Variants in MAGI1 observed in about 807,000 individuals in gnomAD.
MAGI1 encodes the protein membrane associated guanylate kinase, WW and PDZ domain containing 1.
In MAGI1, 58 loss-of-function variants were observed where a neutral mutation model predicts 139.9. That is an observed-to-expected ratio of 0.41 (90% CI 0.34 to 0.52). The LOEUF (loss-of-function observed/expected upper bound fraction) is 0.52. Among genes scored for constraint, MAGI1 ranks in the 20% least tolerant of loss-of-function variants. MAGI1 has a pLI of 0.12. For missense variants in MAGI1, 1,874 were observed against 1,901.6 expected (o/e 0.99, Z 0.27); for synonymous variants, 812 against 737.9 (o/e 1.10, Z -1.63).
At chr3:65,653,192 A>G (rs949826289) in intron 1 of MAGI1, among the ~76,000 whole-genome samples, 17 of 152,096 alleles carry the variant, frequency 1.1e-4, no homozygotes, top group African/African-American at 3.6e-4. Context: ...TCCATCTTCC[A>G]TATCTTTCAC....
At chr3:65,612,349 T>G (rs1026977961) in intron 2 of MAGI1, among the ~76,000 whole-genome samples, 4 of 152,068 alleles carry the variant, frequency 2.6e-5, no homozygotes, top group African/African-American at 7.2e-5. Flanking sequence ...GTCCTCTCTC[T>G]CCCTCCTCCC....
chr3:65,371,198 T>C (rs1230718805), intron 18 of MAGI1, among the ~76,000 whole-genome samples: 3 of 152,190 alleles, frequency 2.0e-5, no homozygotes, highest in African/African-American at 7.2e-5. Flanking sequence ...CCATGACATG[T>C]TGATAAACGT....
intron 1 of MAGI1, among the ~76,000 whole-genome samples, chr3:65,993,950 G>C (rs28648683): frequency 0.011 from 1,721 of 152,126 alleles, 31 homozygotes; most frequent in African/African-American, 0.039. Flanking sequence ...CTAAATAAGA[G>C]AGGACAACCC....
intron 3 of MAGI1, among the ~76,000 whole-genome samples, chr3:65,485,789 G>A (rs1951588180): frequency 6.6e-6 from 1 of 152,132 alleles, no homozygotes; most frequent in African/African-American, 2.4e-5. Flanking sequence ...TAAAGAAACT[G>A]ATATTTACAC....
At chr3:65,442,178 TA>T (rs1472005040) in intron 8 of MAGI1, among the ~76,000 whole-genome samples, 30 of 152,074 alleles carry the variant, frequency 2.0e-4, no homozygotes, top group Middle Eastern at 3.4e-3. Flanking sequence ...AGCCCAATGC[TA>T]GAATAAGGCA....
intron 1 of MAGI1, among the ~76,000 whole-genome samples, chr3:66,001,068 G>A (rs1292739188): frequency 6.6e-6 from 1 of 152,146 alleles, no homozygotes; most frequent in African/African-American, 2.4e-5. Context: ...ATCAAATAGG[G>A]GAGACAGAAA....
rs143074125 is a variant in MAGI1 at position 65,383,342 on chromosome 3, A to G, written c.2508+190T>C. Among the ~76,000 whole-genome samples the G allele has an allele frequency of 2.2e-4, 33 of 152,348 alleles. 1 individual carries two copies. Among genetic ancestry groups the G allele is most frequent in the African/African-American group, 7.7e-4 (32 of 41,588 alleles). ...AAACACTCATACAAACTTTTTAGAA[A>G]GAATCTAGTCTCTTCTTCCTCAAGA... On this transcript the variant is annotated intron_variant, in intron 15 of 22. Transcript: ENST00000402939.
chr3:65,926,941 G>A (rs555870373), intron 1 of MAGI1, among the ~76,000 whole-genome samples: 1 of 152,300 alleles, frequency 6.6e-6, no homozygotes, highest in South Asian at 2.1e-4. Context: ...TTTGCAGTGA[G>A]CCGAGATTGC....
chr3:65,754,908 A>T (rs768977944), intron 1 of MAGI1, among the ~76,000 whole-genome samples: 4 of 152,136 alleles, frequency 2.6e-5, no homozygotes, highest in Non-Finnish European at 4.4e-5. Flanking sequence ...TGGCCAATTA[A>T]ATAACTGTTA....
At chr3:65,743,980 G>A (rs572027774) in intron 1 of MAGI1, among the ~76,000 whole-genome samples, 12 of 151,656 alleles carry the variant, frequency 7.9e-5, no homozygotes, top group Non-Finnish European at 1.8e-4. Flanking sequence ...AAAAAAGTGA[G>A]ACTTAACATT....
intron 1 of MAGI1, among the ~76,000 whole-genome samples, chr3:65,876,955 G>C (rs556951232): frequency 1.5e-3 from 224 of 152,210 alleles, no homozygotes; most frequent in Middle Eastern, 3.4e-3. Flanking sequence ...ATGTTAGCCA[G>C]GATGGTCTCA....
chr3:65,974,387 CTGGGTGGATGGGTGGA>C (rs1472748395), intron 1 of MAGI1, among the ~76,000 whole-genome samples: 1 of 134,118 alleles, frequency 7.5e-6, no homozygotes, highest in Non-Finnish European at 1.6e-5. Flanking sequence ...GGGCGGGTGG[CTGGGTGGATGGGTGGA>C]TGGGTGGATG....
At chr3:65,407,941 T>C (rs1178769618) in intron 12 of MAGI1, among the ~76,000 whole-genome samples, 3 of 152,300 alleles carry the variant, frequency 2.0e-5, no homozygotes, top group African/African-American at 4.8e-5. Context: ...AATGACTTAC[T>C]ACCATTCTAC....
At chr3:66,011,457 T>C (rs56156244) in intron 1 of MAGI1, among the ~76,000 whole-genome samples, 1 of 152,288 alleles carries the variant, frequency 6.6e-6, no homozygotes, top group African/African-American at 2.4e-5. Flanking sequence ...CTATGTCATA[T>C]GCCCACATGC....
At chr3:65,612,282 A>G (rs1266615091) in intron 2 of MAGI1, among the ~76,000 whole-genome samples, 1 of 152,026 alleles carries the variant, frequency 6.6e-6, no homozygotes, top group Non-Finnish European at 1.5e-5. Context: ...ATAACACCAT[A>G]CACACTTTAC....
intron 2 of MAGI1, among the ~76,000 whole-genome samples, chr3:65,611,702 C>T (rs552952496): frequency 2.2e-5 from 3 of 138,372 alleles, no homozygotes; most frequent in Non-Finnish European, 4.8e-5. Context: ...TGTGTATATA[C>T]AGTATATAGT....
intron 1 of MAGI1, among the ~76,000 whole-genome samples, chr3:65,823,277 G>A (rs2042046564): frequency 6.6e-6 from 1 of 152,120 alleles, no homozygotes; most frequent in Non-Finnish European, 1.5e-5. Context: ...ACGGTACAAT[G>A]GGGTGTCTTA....
At position 65,504,681 on chromosome 3, in the gene MAGI1, G is replaced by A. The variant is rs537021375; in HGVS notation, c.431-11050C>T. On this transcript the variant is annotated intron_variant, in intron 2 of 22. Coordinates refer to ENST00000402939, the MANE Select transcript of MAGI1 (RefSeq NM_001033057.2). Reference sequence around the variant, plus strand: ...ATAGCAGGGAGCTGATGGAGTTGACGGTCTGGGAGAAGAAAGCTGGTAAAA... The same window carrying A: ...ATAGCAGGGAGCTGATGGAGTTGACAGTCTGGGAGAAGAAAGCTGGTAAAA... Among the ~76,000 whole-genome samples the A allele has an allele frequency of 2.6e-5, 4 of 152,214 alleles. No homozygotes were observed. The South Asian group carries it at 6.2e-4, about 24-fold the overall frequency.
chr3:65,436,147 T>C (rs1456812431), intron 10 of MAGI1, among the ~76,000 whole-genome samples: 1 of 152,096 alleles, frequency 6.6e-6, no homozygotes, highest in Non-Finnish European at 1.5e-5. Context: ...CTAGTGACAA[T>C]GTCAGCTAGC....
Sources: allele counts gnomAD v4.1 joint callset (sites outside exome capture counted in the v4.1 genomes callset), GRCh38; gene constraint gnomAD v4.1.1; transcripts MANE v1.5; gene names NCBI Gene and HGNC (gene_info 2026-07-23, HGNC 2026-07-21).